FAF2: variants seen among roughly 807,000 people sequenced by gnomAD.
The protein encoded by FAF2 is FAS-associated factor 2.
Under a neutral mutation model 62.3 loss-of-function variants are expected in FAF2, and 9 were observed. The observed-to-expected ratio is 0.14, with a 90% CI of 0.09 to 0.25. FAF2 has a LOEUF of 0.25. FAF2 is among the 10% of genes least tolerant of loss of function. The pLI is 1.00. For missense variants in FAF2, 368 were observed against 556.2 expected (o/e 0.66, Z 3.40); for synonymous variants, 202 against 198.0 (o/e 1.02, Z -0.17).
At chr5:176,479,166 T>C in intron 1 of FAF2, 22 bp from the exon 2 acceptor site, 1 of 1,610,466 alleles carries the variant, frequency 6.2e-7, no homozygotes, top group East Asian at 2.2e-5. Flanking sequence ...TCTAAGTAAC[T>C]TGTTTTCATC....
chr5:176,485,128 A>G (rs185244645), intron 2 of FAF2, among the ~76,000 whole-genome samples: 7 of 152,346 alleles, frequency 4.6e-5, no homozygotes, highest in Non-Finnish European at 8.8e-5. Flanking sequence ...ATAGCTTCCA[A>G]TGACAGCATT....
chr5:176,456,093 C>G (rs1758273429), intron 1 of FAF2, among the ~76,000 whole-genome samples: 1 of 152,026 alleles, frequency 6.6e-6, no homozygotes, highest in Admixed American at 6.6e-5. Flanking sequence ...TTGATTGAGA[C>G]AGAGTTTTGC....
chr5:176,491,579 A>G (rs900670427), intron 4 of FAF2, among the ~76,000 whole-genome samples: 3 of 152,174 alleles, frequency 2.0e-5, no homozygotes, highest in Non-Finnish European at 4.4e-5. Flanking sequence ...TCCCAGGAAA[A>G]CAGAAAGGAG....
chr5:176,458,548 C>T (rs1348716501), intron 1 of FAF2, among the ~76,000 whole-genome samples: 8 of 148,286 alleles, frequency 5.4e-5, no homozygotes, highest in East Asian at 4.0e-4. Flanking sequence ...GGATTACAGG[C>T]GCGTGCCACC....
rs185978713 is a variant in FAF2 at position 176,490,921 on chromosome 5, T to A, written c.345-1273T>A. Among the ~76,000 whole-genome samples the A allele has an allele frequency of 1.7e-3, 262 of 152,280 alleles. 1 individual carries two copies. The highest frequency in any genetic ancestry group is 5.3e-3 in the African/African-American group (220 of 41,572). On this transcript the variant is annotated intron_variant, in intron 4 of 10. Coordinates refer to ENST00000261942, the MANE Select transcript of FAF2 (RefSeq NM_014613.3). The stretch of plus-strand genomic sequence containing the variant: ...AGTAGTTAAAACATCAGTCTTCTGA[T>A]GAATTTCTAACCATTCCCCCACGTA...
chr5:176,506,209 A>AAC (rs201267213), intron 10 of FAF2, among the ~76,000 whole-genome samples: 12,227 of 145,098 alleles, frequency 0.084, 771 homozygotes, highest in East Asian at 0.25. Flanking sequence ...AAAAAAAACA[A>AAC]AAAAAAAAAA....
chr5:176,476,804 ATTTTTTTTTTT>A (rs749952460), intron 1 of FAF2, among the ~76,000 whole-genome samples: 1 of 92,872 alleles, frequency 1.1e-5, no homozygotes, highest in Non-Finnish European at 2.1e-5. Context: ...TGCTGAACTA[ATTTTTTTTTTT>A]TTTTTTTTTT....
At chr5:176,454,268 C>T (rs1758238867) in intron 1 of FAF2, among the ~76,000 whole-genome samples, 1 of 151,774 alleles carries the variant, frequency 6.6e-6, no homozygotes, top group Non-Finnish European at 1.5e-5. Flanking sequence ...TGGCATGCAC[C>T]TGTAATCCCA....
At chr5:176,449,167 A>G (rs1758121762) in intron 1 of FAF2, among the ~76,000 whole-genome samples, 1 of 152,236 alleles carries the variant, frequency 6.6e-6, no homozygotes, top group Non-Finnish European at 1.5e-5. Context: ...TATTAAGAAC[A>G]TTTGCCACTG....
chr5:176,477,229 G>A (rs1335674063), intron 1 of FAF2, among the ~76,000 whole-genome samples: 2 of 142,268 alleles, frequency 1.4e-5, no homozygotes, highest in Non-Finnish European at 3.0e-5. Flanking sequence ...ACAGGCATGA[G>A]CCACCGTGCC....
At position 176,491,671 on chromosome 5, in the gene FAF2, G is replaced by A. The variant is rs559022472; in HGVS notation, c.345-523G>A. 7.2e-5 allele frequency among the ~76,000 whole-genome samples: 11 copies of A among 152,266 alleles called. No homozygotes were observed. In the East Asian group the frequency reaches 7.7e-4, roughly 11 times the overall value. On this transcript the variant is annotated intron_variant, in intron 4 of 10. Coordinates refer to ENST00000261942, the MANE Select transcript of FAF2 (RefSeq NM_014613.3). Reference sequence around the variant, plus strand: ...TAGAACTCTCTGTGATGATAGAAACGTTCTGTATCTCCGCTGTTCAGTATG... The same window carrying A: ...TAGAACTCTCTGTGATGATAGAAACATTCTGTATCTCCGCTGTTCAGTATG...
intron 1 of FAF2, among the ~76,000 whole-genome samples, chr5:176,451,859 CATATATATATACACACATAT>C (rs1581465668): frequency 9.1e-5 from 3 of 32,946 alleles, no homozygotes; most frequent in East Asian, 6.7e-4. Flanking sequence ...TATATATACA[CATATATATATACACACATAT>C]ATATATATAT....
chr5:176,508,287 G>C lies in FAF2; in HGVS notation c.*1337G>C, dbSNP rs1755719261. ...AGGCCATGTATTAACAGATGCCAGT[G>C]CGCTCTGACAAGTATTCCAAAGTGT... On this transcript the variant is annotated 3_prime_UTR_variant, in exon 11 of 11. Transcript: ENST00000261942. The C allele has an allele frequency of 6.6e-6, 1 of 152,132 alleles. No homozygotes were observed. Among genetic ancestry groups the C allele is most frequent in the African/African-American group, 2.4e-5 (1 of 41,422 alleles). 9.4% of individuals were successfully genotyped at this position (152,132 alleles called of 1,614,324 possible).
chr5:176,463,142 C>T (rs1409501577), intron 1 of FAF2, among the ~76,000 whole-genome samples: 3 of 152,062 alleles, frequency 2.0e-5, no homozygotes, highest in African/African-American at 4.8e-5. Context: ...CCTGTAATCC[C>T]AGCACTTTTG....
chr5:176,495,291 A>G (rs1258538934), intron 7 of FAF2, among the ~76,000 whole-genome samples: 1 of 152,188 alleles, frequency 6.6e-6, no homozygotes, highest in African/African-American at 2.4e-5. Context: ...CCTGCATCCC[A>G]GAGTCTGAAT....
At chr5:176,461,783 T>C (rs903876333) in intron 1 of FAF2, among the ~76,000 whole-genome samples, 4 of 152,174 alleles carry the variant, frequency 2.6e-5, no homozygotes, top group Non-Finnish European at 5.9e-5. Flanking sequence ...TCTTTTACTG[T>C]GTAGAAGCTC....
At chr5:176,502,734 C>T (rs1376713385) in intron 10 of FAF2, among the ~76,000 whole-genome samples, 3 of 151,976 alleles carry the variant, frequency 2.0e-5, no homozygotes, top group Non-Finnish European at 4.4e-5. Context: ...TAAATGGGTT[C>T]CTCACTAAAA....
At chr5:176,464,722 T>C (rs781081314) in intron 1 of FAF2, among the ~76,000 whole-genome samples, 6 of 151,886 alleles carry the variant, frequency 4.0e-5, no homozygotes, top group Non-Finnish European at 8.8e-5. Flanking sequence ...TGATTCTAAG[T>C]GAAAATTCTT....
At chr5:176,504,378 G>A (rs1326232109) in intron 10 of FAF2, among the ~76,000 whole-genome samples, 3 of 151,968 alleles carry the variant, frequency 2.0e-5, no homozygotes, top group Non-Finnish European at 4.4e-5. Context: ...GAAGTCAGGA[G>A]TTCGAGACCA....
Sources: gnomAD v4.1 joint callset for allele counts (sites outside exome capture counted in the v4.1 genomes callset) on GRCh38, gnomAD v4.1.1 for gene constraint, MANE v1.5 for transcripts, NCBI Gene and HGNC (gene_info 2026-07-23, HGNC 2026-07-21) for gene names.